Variants in PADI2 observed in about 807,000 individuals in gnomAD.
PADI2 encodes the protein peptidyl arginine deiminase 2, also known as protein-arginine deiminase type-2.
A neutral mutation model predicts 81.1 loss-of-function variants in PADI2; 70 were observed. The ratio of observed to expected loss-of-function variants is 0.86; its 90% CI spans 0.71 to 1.05. The LOEUF is 1.05. Among genes scored for constraint, PADI2 ranks in the 50% least tolerant of loss-of-function variants. The pLI is 0.00. For synonymous variants in PADI2, 338 were observed against 358.0 expected, an observed-to-expected ratio of 0.94 and a Z score of 0.63; for missense variants, 853 against 889.9, an observed-to-expected ratio of 0.96 and a Z score of 0.53.
chr1:17,073,406 G>C (rs1442113294), intron 13 of PADI2, among the ~76,000 whole-genome samples: 1 of 110,356 alleles, frequency 9.1e-6, no homozygotes, highest in Non-Finnish European at 1.8e-5. Context: ...GACAGAGTGA[G>C]ACTGTGTCTC....
intron 10 of PADI2, among the ~76,000 whole-genome samples, chr1:17,081,809 C>G (rs1244730614): frequency 1.3e-5 from 2 of 151,678 alleles, no homozygotes; most frequent in African/African-American, 4.9e-5. Flanking sequence ...AACAAACAAA[C>G]AAACAAAGAA....
rs778192894 is a variant in PADI2 at position 17,070,178 on chromosome 1, C to A, written c.1674G>T (p.Glu558Asp). 5.0e-6 allele frequency: 8 copies of A among 1,614,112 alleles called. No individual in the cohort carries two copies. The highest frequency in any genetic ancestry group is 1.1e-5 in the South Asian group (1 of 91,086). The change falls in exon 15 of 16, where the codon GAG (glutamate) becomes GAT (aspartate). Residue 558 changes from glutamate to aspartate, a missense_variant. Glu to Asp is a conservative substitution (Grantham distance 45). Transcript: ENST00000375486. ...LDWNRDILKK[E>D]LGLTEQDIID... ...TGATGTCCTGCTCTGTCAGTCCCAG[C>A]TCCTTCTTGAGGATGTCACGGTTCC... is the stretch of plus-strand genomic sequence containing the variant.
At position 17,086,744 on chromosome 1, in the gene PADI2, A is replaced by G. The variant is rs761934661; in HGVS notation, c.656-45T>C. 8.9e-6 allele frequency: 14 copies of G among 1,569,158 alleles called. No homozygotes were observed. In the South Asian group the frequency reaches 1.2e-4, roughly 14 times the overall value. Reference sequence around the variant, plus strand: ...CGTCAGACTCCCACCCGCATCAGAAAGAGGTCGGTGGGGTGGGATCACCGA... The same window carrying G: ...CGTCAGACTCCCACCCGCATCAGAAGGAGGTCGGTGGGGTGGGATCACCGA... On this transcript the variant is annotated intron_variant, in intron 6 of 15. Transcript: ENST00000375486.
At chr1:17,100,349 G>C (rs893623185) in intron 3 of PADI2, among the ~76,000 whole-genome samples, 1 of 151,896 alleles carries the variant, frequency 6.6e-6, no homozygotes, top group Non-Finnish European at 1.5e-5. Flanking sequence ...CAGTGGCACT[G>C]TGTCAGCTCA....
intron 11 of PADI2, 49 bp from the exon 12 acceptor site, chr1:17,075,872 AGGGCCTGCAAGAGGAGTTTGGTCTCTG>A (rs1300785963): frequency 1.9e-6 from 3 of 1,580,820 alleles, no homozygotes; most frequent in South Asian, 1.1e-5. Context: ...ACCGCACCAG[AGGGCCTGCAAGAGGAGTTTGGTCTCTG>A]GGACCCACCT....
At position 17,068,981 on chromosome 1, in the gene PADI2, G is replaced by A; in HGVS notation, c.*63C>T. 1 of 1,227,544 alleles carries A rather than the reference G, an allele frequency of 8.1e-7. No individual in the cohort carries two copies. The highest frequency in any genetic ancestry group is 1.7e-5 in the Admixed American group (1 of 59,272). The allele number at this position is 1,227,544 out of a possible 1,614,324, so 76.0% of individuals were successfully genotyped here. On this transcript the variant is annotated 3_prime_UTR_variant, in exon 16 of 16. Transcript: ENST00000375486. ...CCAGTCCATGTCAGCAGAAGGCTCTGGGCGTGTGAGGGAGGGTCTGGAGAA... is the reference window on the plus strand; with the variant it reads ...CCAGTCCATGTCAGCAGAAGGCTCTAGGCGTGTGAGGGAGGGTCTGGAGAA...
chr1:17,096,065 C>T, intron 3 of PADI2, 95 bp from the exon 4 acceptor site: 1 of 893,374 alleles, frequency 1.1e-6, no homozygotes, highest in Non-Finnish European at 1.8e-6. Flanking sequence ...GCGTCTCAGC[C>T]ATTCATTTGG....
Position 17,075,748 on chromosome 1 carries a change from G to A in PADI2, c.1386C>T (p.Leu462=), listed in dbSNP as rs1246520985. ...KAQQVQAPVE[L]YSDWLTVGHV... ...GGCCCACAGTCAGCCAGTCTGAGTAGAGCTCCACGGGCGCCTGCACCTGCT... is the reference window on the plus strand; with the variant it reads ...GGCCCACAGTCAGCCAGTCTGAGTAAAGCTCCACGGGCGCCTGCACCTGCT... Residue 462 remains leucine (L), a synonymous_variant, in exon 12 of 16, where the codon CTC becomes CTT. Coordinates refer to ENST00000375486, the MANE Select transcript of PADI2 (RefSeq NM_007365.3). The A allele has an allele frequency of 4.3e-6, 7 of 1,613,924 alleles. No individual in the cohort carries two copies. The highest frequency in any genetic ancestry group is 5.1e-6 in the Non-Finnish European group (6 of 1,179,928).
intron 4 of PADI2, among the ~76,000 whole-genome samples, chr1:17,094,515 G>A (rs1186616773): frequency 6.6e-6 from 1 of 152,172 alleles, no homozygotes; most frequent in East Asian, 1.9e-4. Flanking sequence ...ACCTGGCCCT[G>A]TACACATCCT....
chr1:17,110,353 C>A (rs955272968), intron 1 of PADI2, among the ~76,000 whole-genome samples: 1 of 152,126 alleles, frequency 6.6e-6, no homozygotes, highest in East Asian at 1.9e-4. Context: ...GGCCATGTCT[C>A]CTGCCTACCA....
Position 17,119,017 on chromosome 1 carries a change from G to C in PADI2, c.92+263C>G, listed in dbSNP as rs948505485. ...TGGAGAGGGCCAGACGGAGGGTTAC[G>C]GGTGAAAGGGAGGGTCTGTGAGGGA... On this transcript the variant is annotated intron_variant, in intron 1 of 15. Coordinates refer to ENST00000375486, the MANE Select transcript of PADI2 (RefSeq NM_007365.3). The surrounding 1 kb of genome is among the most constrained non-coding windows in gnomAD (Gnocchi z 4.8). 6.6e-6 allele frequency among the ~76,000 whole-genome samples: 1 copy of C among 152,240 alleles called. No individual in the cohort carries two copies. Among genetic ancestry groups the C allele is most frequent in the East Asian group, 1.9e-4 (1 of 5,160 alleles).
In PADI2 at chr1:17,078,172, C is replaced by T. The variant is rs574087143; in HGVS notation, c.1310+1092G>A. 4.0e-5 allele frequency among the ~76,000 whole-genome samples: 6 copies of T among 151,548 alleles called. No individual in the cohort carries two copies. The South Asian group carries it at 6.3e-4, about 16-fold the overall frequency. ...TGTTGCCCAGGCTGGAGTGCAATGGCGCGATCTCGGCTCACTGCAACCTCT... is the reference window on the plus strand; with the variant it reads ...TGTTGCCCAGGCTGGAGTGCAATGGTGCGATCTCGGCTCACTGCAACCTCT... On this transcript the variant is annotated intron_variant, in intron 11 of 15. Coordinates refer to ENST00000375486, the MANE Select transcript of PADI2 (RefSeq NM_007365.3).
chr1:17,085,216 T>C (rs1314416638), intron 7 of PADI2, among the ~76,000 whole-genome samples: 1 of 152,232 alleles, frequency 6.6e-6, no homozygotes, highest in African/African-American at 2.4e-5. Flanking sequence ...CAGACTGTTT[T>C]GTTTTAAGGA....
At chr1:17,118,203 C>T (rs901338619) in intron 1 of PADI2, among the ~76,000 whole-genome samples, 4 of 152,066 alleles carry the variant, frequency 2.6e-5, no homozygotes, top group Non-Finnish European at 5.9e-5. Context: ...GAGCCATAAA[C>T]CACGATGGTG....
At position 17,070,207 on chromosome 1, in the gene PADI2, C is replaced by T; in HGVS notation, c.1645G>A (p.Asp549Asn). Reference protein sequence around the residue: ...QENLYFQRCLDWNRDILKKEL... With the variant: ...QENLYFQRCLNWNRDILKKEL... ...TTCTTGAGGATGTCACGGTTCCAGT[C>T]TAGGCAGCGCTGGGTAGGAGAAAGG... Residue 549 changes from aspartate to asparagine, a missense_variant, in exon 15 of 16, where the codon GAC becomes AAC. Transcript: ENST00000375486. 6.2e-7 allele frequency: 1 copy of T among 1,613,996 alleles called. No individual in the cohort carries two copies. Among genetic ancestry groups the T allele is most frequent in the Non-Finnish European group, 8.5e-7 (1 of 1,179,970 alleles).
chr1:17,082,967 C>T (rs1158515654), intron 9 of PADI2: 3 of 222,990 alleles, frequency 1.3e-5, no homozygotes, highest in Non-Finnish European at 2.6e-5. Flanking sequence ...AACTCCTGGG[C>T]TCAAGCGGTC....
intron 7 of PADI2, among the ~76,000 whole-genome samples, chr1:17,086,093 T>G (rs1437608479): frequency 6.6e-6 from 1 of 151,722 alleles, no homozygotes; most frequent in African/African-American, 2.4e-5. Context: ...GCAGTCAGAG[T>G]TGGTATAACC....
chr1:17,078,370 C>T (rs2078320348), intron 11 of PADI2, among the ~76,000 whole-genome samples: 1 of 152,122 alleles, frequency 6.6e-6, no homozygotes, highest in Non-Finnish European at 1.5e-5. Context: ...CTCGGCCTCC[C>T]AAAGTACTGG....
At chr1:17,080,374 T>C (rs1419209369) in intron 10 of PADI2, among the ~76,000 whole-genome samples, 5 of 152,196 alleles carry the variant, frequency 3.3e-5, no homozygotes, top group Non-Finnish European at 7.3e-5. Flanking sequence ...GTCTGCCAAC[T>C]CTTTGAATTC....
Sources: allele counts gnomAD v4.1 joint callset (sites outside exome capture counted in the v4.1 genomes callset), GRCh38; gene constraint gnomAD v4.1.1; non-coding constraint Gnocchi (gnomAD v3.1); transcripts MANE v1.5; gene names NCBI Gene and HGNC (gene_info 2026-07-23, HGNC 2026-07-21).